The following RHOU variants were observed in gnomAD, a reference collection of about 807,000 sequenced individuals.
The protein encoded by RHOU is rho-related GTP-binding protein RhoU.
In RHOU, 8 loss-of-function variants were observed where a neutral mutation model predicts 12.6. The observed-to-expected ratio is 0.64, with a 90% confidence interval of 0.37 to 1.15. RHOU has a LOEUF of 1.15. Ranked by LOEUF, RHOU falls within the 50% of genes most tolerant of loss-of-function variation. The pLI, the probability that RHOU is intolerant of heterozygous loss-of-function variation, is 0.01. For missense variants in RHOU, 258 were observed against 347.0 expected (o/e 0.74, Z 2.04); for synonymous variants, 161 against 147.4 (o/e 1.09, Z -0.67).
chr1:228,650,301 G>C, the RHOU span: 1 of 464,684 alleles, frequency 2.2e-6, no homozygotes, highest in Admixed American at 2.3e-5. Context: ...AGGAGGCAGC[G>C]GCGGGCTGGA....
At chr1:228,731,129 A>G (rs1228312051), upstream of RHOU, among the ~76,000 whole-genome samples, 1 of 152,232 alleles carries the variant, frequency 6.6e-6, no homozygotes, top group Non-Finnish European at 1.5e-5. Flanking sequence ...TGCTAGGGGA[A>G]GAGTTTTGTG....
rs769217503 is a variant in RHOU, at chr1:228,744,942, T to C, written c.*1202T>C. 1 of 152,204 alleles carries C rather than the reference T, an allele frequency of 6.6e-6. No individual in the cohort carries two copies. Among genetic ancestry groups the C allele is most frequent in the African/African-American group, 2.4e-5 (1 of 41,448 alleles). The allele number at this position is 152,204 out of a possible 1,614,324, so 9.4% of individuals were successfully genotyped here. A position where few individuals can be genotyped will look rare whatever the true frequency, so the allele number is the denominator to read the frequency against. On this transcript the variant is annotated 3_prime_UTR_variant, in exon 3 of 3. Coordinates refer to ENST00000366691, the MANE Select transcript of RHOU (RefSeq NM_021205.6). The stretch of plus-strand genomic sequence containing the variant: ...TCAGAGTATGTTTTTAAGTGTATCT[T>C]AATATATACATTTTTTAGGACATCT...
At chr1:228,730,080 T>G in the RHOU span, among the ~76,000 whole-genome samples, 2 of 152,174 alleles carry the variant, frequency 1.3e-5, no homozygotes, top group African/African-American at 4.8e-5. Context: ...TTTTTTTTCC[T>G]AGGATGACAT....
the RHOU span, among the ~76,000 whole-genome samples, chr1:228,651,850 C>T: frequency 0.012 from 1,871 of 152,318 alleles, 47 homozygotes; most frequent in African/African-American, 0.041. Flanking sequence ...AAGCTGATCA[C>T]CATCTAGTCA....
chr1:228,731,800 T>C (rs1302588640), upstream of RHOU, among the ~76,000 whole-genome samples: 1 of 151,952 alleles, frequency 6.6e-6, no homozygotes, highest in Non-Finnish European at 1.5e-5. Flanking sequence ...GGGGGATGAA[T>C]GCTCACAGCT....
the RHOU span, chr1:228,650,451 G>A: frequency 2.2e-6 from 1 of 456,746 alleles, no homozygotes. Flanking sequence ...AGATGCCTCG[G>A]AGCACGCTGC....
chr1:228,710,459 A>G, the RHOU span, among the ~76,000 whole-genome samples: 1 of 152,132 alleles, frequency 6.6e-6, no homozygotes, highest in African/African-American at 2.4e-5. Context: ...AAGCTTATCC[A>G]CCATGATCAA....
chr1:228,722,633 T>C, the RHOU span, among the ~76,000 whole-genome samples: 834 of 152,070 alleles, frequency 5.5e-3, 13 homozygotes, highest in African/African-American at 0.019. Context: ...ACCTCCTTTT[T>C]TTTTTTTTGA....
chr1:228,679,428 T>G, the RHOU span, among the ~76,000 whole-genome samples: 2 of 137,850 alleles, frequency 1.5e-5, no homozygotes, highest in African/African-American at 2.8e-5. Flanking sequence ...CAGGGGAGTG[T>G]GGAAAGGATT....
chr1:228,710,163 A>T, the RHOU span, among the ~76,000 whole-genome samples: 2 of 152,248 alleles, frequency 1.3e-5, no homozygotes, highest in African/African-American at 2.4e-5. Flanking sequence ...TTGTGGCAAT[A>T]ATCAATAGCT....
At chr1:228,682,715 A>C in the RHOU span, among the ~76,000 whole-genome samples, 2 of 152,242 alleles carry the variant, frequency 1.3e-5, no homozygotes, top group East Asian at 3.8e-4. Context: ...AGGCAGATCA[A>C]TAGAAACACA....
chr1:228,669,681 T>G, the RHOU span, among the ~76,000 whole-genome samples: 1 of 152,226 alleles, frequency 6.6e-6, no homozygotes, highest in Non-Finnish European at 1.5e-5. Flanking sequence ...AGACCTATGG[T>G]GTGTCATGTC....
At chr1:228,691,853 C>T in the RHOU span, among the ~76,000 whole-genome samples, 1 of 152,138 alleles carries the variant, frequency 6.6e-6, no homozygotes, top group Non-Finnish European at 1.5e-5. Context: ...ACCAAGGCAA[C>T]CGTTTCAAAC....
rs1479135262 is a variant in RHOU at position 228,735,883 on chromosome 1, G to T, written c.141G>T (p.Gly47=). The T allele has an allele frequency of 6.6e-7, 1 of 1,525,664 alleles. No individual in the cohort carries two copies. The highest frequency in any genetic ancestry group is 8.7e-7 in the Non-Finnish European group (1 of 1,143,182). The allele number at this position is 1,525,664 out of a possible 1,614,324, so 94.5% of individuals were successfully genotyped here. The change falls in exon 1 of 3, where the codon GGG becomes GGT. Residue 47 remains glycine (G), a synonymous_variant. Transcript: ENST00000366691. This position sits in a 1 kb window ranked among gnomAD's most constrained non-coding sequence, Gnocchi z 8.1. ...GGRGRAGGAE[G]RGVKCVLVGD... ...GGGGGCGTGCGGGGGGTGCCGAGGG[G>T]CGCGGCGTCAAGTGCGTGCTGGTCG...
chr1:228,699,093 TTTG>T, the RHOU span, among the ~76,000 whole-genome samples: 5 of 147,842 alleles, frequency 3.4e-5, no homozygotes, highest in Admixed American at 6.8e-5. Flanking sequence ...AAGTTTTTTT[TTTG>T]TTTTTTTTAA....
the RHOU span, among the ~76,000 whole-genome samples, chr1:228,674,420 C>T: frequency 6.7e-6 from 1 of 149,896 alleles, no homozygotes; most frequent in Admixed American, 6.7e-5. Flanking sequence ...AATTTCGGCT[C>T]ACTGCAACCT....
the RHOU span, among the ~76,000 whole-genome samples, chr1:228,659,345 T>G: frequency 6.6e-6 from 1 of 151,790 alleles, no homozygotes; most frequent in Admixed American, 6.6e-5. Flanking sequence ...ACCATTGCAC[T>G]CCAGCCTGGG....
chr1:228,729,945 A>G, the RHOU span, among the ~76,000 whole-genome samples: 3 of 152,222 alleles, frequency 2.0e-5, no homozygotes, highest in Non-Finnish European at 4.4e-5. Flanking sequence ...AGCCCTTACC[A>G]TGACACTAAC....
chr1:228,711,194 G>A, the RHOU span, among the ~76,000 whole-genome samples: 8 of 151,884 alleles, frequency 5.3e-5, no homozygotes, highest in Non-Finnish European at 7.4e-5. Context: ...CCATGCTCAT[G>A]GGTAGGAAGA....
Sources: gnomAD v4.1 joint callset for allele counts (sites outside exome capture counted in the v4.1 genomes callset) on GRCh38, gnomAD v4.1.1 for gene constraint, Gnocchi (gnomAD v3.1) non-coding constraint, MANE v1.5 for transcripts, NCBI Gene and HGNC (gene_info 2026-07-23, HGNC 2026-07-21) for gene names.